MARCHF1: variants seen among roughly 807,000 people sequenced by gnomAD.
MARCHF1 encodes the protein membrane associated ring-CH-type finger 1.
Under a neutral mutation model 54.2 loss-of-function variants are expected in MARCHF1, and 40 were observed. That is an observed-to-expected ratio of 0.74 (90% CI 0.57 to 0.96). The LOEUF is 0.96. MARCHF1 is among the 40% of genes least tolerant of loss of function. The probability of loss-of-function intolerance (pLI) is 0.00; values close to 1 mark genes in which losing one functional copy is unlikely to be tolerated. For synonymous variants in MARCHF1, 236 were observed against 236.3 expected, an observed-to-expected ratio of 1.00 and a Z score of 0.01; for missense variants, 586 against 656.5, an observed-to-expected ratio of 0.89 and a Z score of 1.17.
At chr4:163,738,868 T>G (rs936234411) in intron 4 of MARCHF1, among the ~76,000 whole-genome samples, 2 of 152,186 alleles carry the variant, frequency 1.3e-5, no homozygotes, top group African/African-American at 2.4e-5. Flanking sequence ...CCTAAATTCT[T>G]AGGCCAGCAA....
At chr4:164,342,645 T>C (rs1029188710) in intron 1 of MARCHF1, among the ~76,000 whole-genome samples, 5 of 152,114 alleles carry the variant, frequency 3.3e-5, no homozygotes, top group Non-Finnish European at 7.4e-5. Context: ...ATCACTATCT[T>C]GAAGAGATAT....
intron 1 of MARCHF1, among the ~76,000 whole-genome samples, chr4:164,341,757 C>T (rs1437211551): frequency 1.3e-5 from 2 of 152,186 alleles, no homozygotes; most frequent in Non-Finnish European, 2.9e-5. Context: ...CATCCTAATA[C>T]ATACCATCAT....
At chr4:163,732,772 T>C (rs558859710) in intron 4 of MARCHF1, among the ~76,000 whole-genome samples, 2 of 152,024 alleles carry the variant, frequency 1.3e-5, no homozygotes, top group Non-Finnish European at 2.9e-5. Context: ...CCAGTAAAAA[T>C]GTCTTTTAAA....
intron 2 of MARCHF1, among the ~76,000 whole-genome samples, chr4:164,012,594 C>T (rs1197331876): frequency 6.6e-6 from 1 of 151,942 alleles, no homozygotes; most frequent in African/African-American, 2.4e-5. Context: ...TTTTGCTGCT[C>T]TGTAAAAATT....
chr4:163,799,656 A>T (rs948429185), intron 4 of MARCHF1, among the ~76,000 whole-genome samples: 1 of 152,152 alleles, frequency 6.6e-6, no homozygotes, highest in African/African-American at 2.4e-5. Context: ...AGGGCTTAAA[A>T]ATAAGACAGT....
intron 7 of MARCHF1, among the ~76,000 whole-genome samples, chr4:163,589,340 C>G (rs1488398741): frequency 6.6e-6 from 1 of 152,056 alleles, no homozygotes; most frequent in African/African-American, 2.4e-5. Context: ...CCTGAAGCAC[C>G]ACTAACAACA....
Position 163,727,315 on chromosome 4 carries a change from T to C in MARCHF1, c.112-26452A>G, listed in dbSNP as rs1464134551. 6.0e-5 allele frequency among the ~76,000 whole-genome samples: 3 copies of C among 50,082 alleles called. No individual in the cohort carries two copies. The Admixed American group carries it at 6.9e-4, about 12-fold the overall frequency. 32.9% of individuals were successfully genotyped at this position (50,082 alleles called of 152,430 possible). On this transcript the variant is annotated intron_variant, in intron 4 of 9. Coordinates refer to ENST00000514618, the MANE Select transcript of MARCHF1 (RefSeq NM_001394959.1). ...TGTTTAAATTCATTTCTTTTTTTTC[T>C]TTTTTTTTTTTTGACGGAGTCTCGC...
At chr4:164,338,888 C>T (rs544028536) in intron 1 of MARCHF1, among the ~76,000 whole-genome samples, 3 of 152,214 alleles carry the variant, frequency 2.0e-5, no homozygotes, top group Admixed American at 2.0e-4. Context: ...AGGAGAATCG[C>T]TTGAACCTGG....
At chr4:163,905,078 T>C (rs1751035470) in intron 3 of MARCHF1, among the ~76,000 whole-genome samples, 1 of 152,098 alleles carries the variant, frequency 6.6e-6, no homozygotes. Flanking sequence ...TCAAGTATGG[T>C]GGATAATGAT....
chr4:163,679,984 T>G (rs895915457), intron 5 of MARCHF1, among the ~76,000 whole-genome samples: 4 of 151,342 alleles, frequency 2.6e-5, no homozygotes, highest in Non-Finnish European at 4.4e-5. Context: ...TATCTGTTTT[T>G]TTTTTTTTTT....
chr4:163,878,170 T>C (rs1750334080), intron 3 of MARCHF1, among the ~76,000 whole-genome samples: 1 of 152,184 alleles, frequency 6.6e-6, no homozygotes, highest in African/African-American at 2.4e-5. Flanking sequence ...ACACACACTT[T>C]TGACAGACAC....
At chr4:164,240,763 C>T (rs1285603519) in intron 1 of MARCHF1, among the ~76,000 whole-genome samples, 1 of 152,086 alleles carries the variant, frequency 6.6e-6, no homozygotes, top group Non-Finnish European at 1.5e-5. Flanking sequence ...ACAGTTTAAA[C>T]TTAAAGCAAG....
chr4:163,751,614 T>C (rs1350781433), intron 4 of MARCHF1, among the ~76,000 whole-genome samples: 2 of 151,804 alleles, frequency 1.3e-5, no homozygotes, highest in African/African-American at 4.8e-5. Flanking sequence ...CTAGAAAACA[T>C]TAAACAAGAA....
intron 5 of MARCHF1, among the ~76,000 whole-genome samples, chr4:163,652,381 T>C (rs1235053485): frequency 6.6e-6 from 1 of 151,846 alleles, no homozygotes; most frequent in Non-Finnish European, 1.5e-5. Flanking sequence ...CGATTCTCCC[T>C]GTATTCACCA....
intron 1 of MARCHF1, among the ~76,000 whole-genome samples, chr4:164,313,901 A>C (rs923437574): frequency 1.3e-5 from 2 of 152,172 alleles, no homozygotes; most frequent in Non-Finnish European, 1.5e-5. Context: ...ATCCCAGCTA[A>C]TCTGCTCTAG....
intron 8 of MARCHF1, among the ~76,000 whole-genome samples, chr4:163,546,698 A>T (rs1166118491): frequency 6.6e-6 from 1 of 152,134 alleles, no homozygotes; most frequent in East Asian, 1.9e-4. Context: ...CTGCTACCGT[A>T]AGGGTTGTAA....
chr4:164,100,727 A>C (rs1395815509), intron 2 of MARCHF1, among the ~76,000 whole-genome samples: 1 of 152,204 alleles, frequency 6.6e-6, no homozygotes, highest in Non-Finnish European at 1.5e-5. Flanking sequence ...GATAGTCAAG[A>C]TAATTGTCTA....
chr4:163,707,340 T>C (rs1190880678), intron 4 of MARCHF1, among the ~76,000 whole-genome samples: 4 of 152,072 alleles, frequency 2.6e-5, no homozygotes, highest in Admixed American at 1.3e-4. Flanking sequence ...ATATGCAAAC[T>C]GCTTTTGTCT....
chr4:164,164,324 G>C (rs1248576888), intron 1 of MARCHF1, among the ~76,000 whole-genome samples: 1 of 151,762 alleles, frequency 6.6e-6, no homozygotes, highest in Non-Finnish European at 1.5e-5. Context: ...CAACAATATA[G>C]ATAAACCTTT....
Sources: allele counts gnomAD v4.1 joint callset (sites outside exome capture counted in the v4.1 genomes callset), GRCh38; gene constraint gnomAD v4.1.1; transcripts MANE v1.5; gene names NCBI Gene and HGNC (gene_info 2026-07-23, HGNC 2026-07-21).